NKAIN3: variants seen among roughly 807,000 people sequenced by gnomAD.
NKAIN3 encodes the protein sodium/potassium transporting ATPase interacting 3, also known as sodium/potassium-transporting ATPase subunit beta-1-interacting protein 3.
Under a neutral mutation model 30.2 loss-of-function variants are expected in NKAIN3, and 25 were observed. The ratio of observed to expected loss-of-function variants is 0.83; its 90% CI spans 0.60 to 1.16. The LOEUF is 1.16. NKAIN3 is among the 50% of genes most tolerant of loss of function. NKAIN3 has a pLI of 0.00. For synonymous variants in NKAIN3, 91 were observed against 89.6 expected (o/e 1.02, Z -0.09); for missense variants, 225 against 254.1 (o/e 0.89, Z 0.78).
chr8:62,682,624 T>C (rs1008862197), intron 3 of NKAIN3, among the ~76,000 whole-genome samples: 3 of 152,134 alleles, frequency 2.0e-5, no homozygotes, highest in African/African-American at 7.2e-5. Flanking sequence ...CTAGATGCTT[T>C]TGAGGTGGAG....
chr8:62,383,835 T>C (rs1817346189), intron 1 of NKAIN3, among the ~76,000 whole-genome samples: 1 of 152,044 alleles, frequency 6.6e-6, no homozygotes, highest in African/African-American at 2.4e-5. Context: ...AAGCACAAGG[T>C]TTTTTCACCT....
At chr8:62,868,003 T>C (rs1820479239) in intron 4 of NKAIN3, among the ~76,000 whole-genome samples, 1 of 152,208 alleles carries the variant, frequency 6.6e-6, no homozygotes, top group Non-Finnish European at 1.5e-5. Context: ...AACAACTGAA[T>C]CATTAAACTG....
At chr8:62,846,405 C>T (rs565085419) in intron 4 of NKAIN3, among the ~76,000 whole-genome samples, 1 of 152,032 alleles carries the variant, frequency 6.6e-6, no homozygotes, top group Admixed American at 6.6e-5. Flanking sequence ...TGATGGTTTA[C>T]TGTACAGATT....
intron 3 of NKAIN3, among the ~76,000 whole-genome samples, chr8:62,718,702 C>G (rs1293904323): frequency 2.0e-5 from 3 of 151,994 alleles, no homozygotes; most frequent in Non-Finnish European, 4.4e-5. Flanking sequence ...AAATTTATAT[C>G]TATTTTTAAC....
intron 4 of NKAIN3, among the ~76,000 whole-genome samples, chr8:62,828,806 GTAGA>G (rs1819106755): frequency 6.6e-6 from 1 of 152,106 alleles, no homozygotes; most frequent in African/African-American, 2.4e-5. Flanking sequence ...AAGCAGCTCC[GTAGA>G]TAATCTCATG....
chr8:62,392,807 A>G (rs567994381), intron 1 of NKAIN3, among the ~76,000 whole-genome samples: 7 of 152,146 alleles, frequency 4.6e-5, no homozygotes, highest in Middle Eastern at 3.4e-3. Context: ...TTAAAACTGC[A>G]GATTAGAATT....
chr8:62,588,914 A>G (rs1369927486), intron 2 of NKAIN3, among the ~76,000 whole-genome samples: 10 of 151,836 alleles, frequency 6.6e-5, no homozygotes, highest in Admixed American at 5.3e-4. Context: ...TGTCTGCATA[A>G]AAAAGTGACT....
At position 62,980,574 on chromosome 8, in the gene NKAIN3, T is replaced by A. The variant is rs992744654; in HGVS notation, c.*15167T>A. On this transcript the variant is annotated 3_prime_UTR_variant, in exon 7 of 7. Transcript: ENST00000623646. ...CCTTTTCTTTGCATTGTCCAGGGGT[T>A]TTGTTATTACAAACCATAATATTTA... is the stretch of plus-strand genomic sequence containing the variant. 6.6e-6 allele frequency: 1 copy of A among 152,236 alleles called. No individual in the cohort carries two copies. Among genetic ancestry groups the A allele is most frequent in the African/African-American group, 2.4e-5 (1 of 41,470 alleles). The allele number at this position is 152,236 out of a possible 1,614,324, so 9.4% of individuals were successfully genotyped here.
intron 1 of NKAIN3, among the ~76,000 whole-genome samples, chr8:62,476,367 G>A (rs1231581796): frequency 6.6e-6 from 1 of 152,030 alleles, no homozygotes; most frequent in African/African-American, 2.4e-5. Flanking sequence ...TGTTTTGTTT[G>A]CTGTTAAAGA....
intron 3 of NKAIN3, among the ~76,000 whole-genome samples, chr8:62,695,560 C>A (rs1045794250): frequency 3.9e-5 from 6 of 152,126 alleles, no homozygotes; most frequent in Non-Finnish European, 5.9e-5. Context: ...TTTGAAAGGG[C>A]AGAAGGAGTA....
At position 62,715,060 on chromosome 8, in the gene NKAIN3, A is replaced by G. The variant is rs1261820807; in HGVS notation, c.274-31872A>G. ...CAATCATGGTGAAAGGTAATGGGGA[A>G]GCAGGTACATTATCAAATGGCAGCA... is the stretch of plus-strand genomic sequence containing the variant. On this transcript the variant is annotated intron_variant, in intron 3 of 6. Transcript: ENST00000623646. Among the ~76,000 whole-genome samples the G allele has an allele frequency of 2.6e-5, 4 of 152,168 alleles. No individual in the cohort carries two copies. The East Asian group carries it at 7.7e-4, about 29-fold the overall frequency.
rs1823853607 is a variant in NKAIN3, at chr8:62,972,380, G to A, written c.*6973G>A. On this transcript the variant is annotated 3_prime_UTR_variant, in exon 7 of 7. Transcript: ENST00000623646. ...ATTATAAATATGTATATATTGGGGG[G>A]CAAAATATGACTTTTTATTTTTATT... Among the ~76,000 whole-genome samples the A allele has an allele frequency of 6.6e-6, 1 of 152,014 alleles. No individual in the cohort carries two copies. The highest frequency in any genetic ancestry group is 1.5e-5 in the Non-Finnish European group (1 of 67,988).
At chr8:62,852,009 A>T (rs1405299504) in intron 4 of NKAIN3, among the ~76,000 whole-genome samples, 2 of 149,730 alleles carry the variant, frequency 1.3e-5, no homozygotes, top group African/African-American at 2.5e-5. Flanking sequence ...TTCTATTGAT[A>T]GGAATAGTTT....
intron 4 of NKAIN3, among the ~76,000 whole-genome samples, chr8:62,790,668 T>A (rs1314899089): frequency 6.6e-6 from 1 of 151,582 alleles, no homozygotes; most frequent in Non-Finnish European, 1.5e-5. Flanking sequence ...ATCTGCTGTA[T>A]GTCTAGTACG....
At chr8:62,709,875 C>G (rs1382257835) in intron 3 of NKAIN3, among the ~76,000 whole-genome samples, 1 of 152,064 alleles carries the variant, frequency 6.6e-6, no homozygotes, top group East Asian at 1.9e-4. Flanking sequence ...GAACTTTCCT[C>G]TTAGCACCGC....
intron 1 of NKAIN3, among the ~76,000 whole-genome samples, chr8:62,516,752 T>G (rs1455690385): frequency 6.6e-6 from 1 of 152,160 alleles, no homozygotes; most frequent in East Asian, 1.9e-4. Flanking sequence ...CTAATTTTGT[T>G]GCTGTTGTAA....
chr8:62,463,829 A>G (rs1010843601), intron 1 of NKAIN3, among the ~76,000 whole-genome samples: 1 of 152,210 alleles, frequency 6.6e-6, no homozygotes, highest in African/African-American at 2.4e-5. Flanking sequence ...AATAAAGTAG[A>G]ACAATTTTAA....
chr8:62,609,558 TTTGCTCTCAAAGA>T (rs1301656283), intron 3 of NKAIN3, among the ~76,000 whole-genome samples: 1 of 152,096 alleles, frequency 6.6e-6, no homozygotes, highest in Non-Finnish European at 1.5e-5. Flanking sequence ...ATAAAAAGAA[TTTGCTCTCAAAGA>T]GCTTTTATTC....
chr8:62,329,806 T>A (rs1815279099), intron 1 of NKAIN3, among the ~76,000 whole-genome samples: 1 of 152,102 alleles, frequency 6.6e-6, no homozygotes. Context: ...AACATACAGG[T>A]GCCTGTGTCT....
Sources: allele counts gnomAD v4.1 joint callset (sites outside exome capture counted in the v4.1 genomes callset), GRCh38; gene constraint gnomAD v4.1.1; transcripts MANE v1.5; gene names NCBI Gene and HGNC (gene_info 2026-07-23, HGNC 2026-07-21).